Variants in ZNF862 observed in about 807,000 individuals in gnomAD.
ZNF862 encodes the protein zinc finger protein 862.
In ZNF862, 64 loss-of-function variants were observed where a neutral mutation model predicts 91.1. The ratio of observed to expected loss-of-function variants is 0.70; its 90% confidence interval spans 0.57 to 0.87. The LOEUF (loss-of-function observed/expected upper bound fraction) is 0.87. ZNF862 is among the 40% of genes least tolerant of loss of function. The probability of loss-of-function intolerance (pLI) is 0.00; values close to 1 mark genes in which losing one functional copy is unlikely to be tolerated. For synonymous variants in ZNF862, 631 were observed against 618.1 expected (o/e 1.02, Z -0.31); for missense variants, 1,459 against 1,528.0 (o/e 0.95, Z 0.75).
chr7:149,853,316 C>G (rs915879826), intron 5 of ZNF862, among the ~76,000 whole-genome samples: 1 of 152,228 alleles, frequency 6.6e-6, no homozygotes, highest in East Asian at 1.9e-4. Flanking sequence ...TAGGCCAAAC[C>G]ATTGTTATGG....
chr7:149,860,178 A>G (rs1802411946), intron 6 of ZNF862: 2 of 582,306 alleles, frequency 3.4e-6, no homozygotes, highest in Non-Finnish European at 6.0e-6. Flanking sequence ...AAGGATTAGC[A>G]ACAACTCTGG....
At chr7:149,839,535 G>A (rs963370298) in intron 1 of ZNF862, among the ~76,000 whole-genome samples, 10 of 152,196 alleles carry the variant, frequency 6.6e-5, no homozygotes, top group African/African-American at 2.2e-4. Flanking sequence ...TTCTCAAGGA[G>A]CTCTCCTGCA....
chr7:149,848,298 G>GGGGGGGAT lies in ZNF862; in HGVS notation c.808_815dup (p.Ala273GlyfsTer10). Reference sequence around the variant, plus strand: ...TTCAAGAGCTGAACTAGAGGACCCTGGGGGGGATGGAGCAATTCCTGCAAT... The same window carrying GGGGGGGAT: ...TTCAAGAGCTGAACTAGAGGACCCTGGGGGGGATGGGGGGATGGAGCAATTCCTGCAAT... On this transcript the variant is annotated frameshift_variant, in exon 4 of 8. Transcript: ENST00000223210. LOFTEE classifies it high-confidence loss of function. The GGGGGGGAT allele has an allele frequency of 6.2e-7, 1 of 1,607,672 alleles. No homozygotes were observed. Among genetic ancestry groups the GGGGGGGAT allele is most frequent in the Non-Finnish European group, 8.5e-7 (1 of 1,176,796 alleles).
At position 149,850,345 on chromosome 7, in the gene ZNF862, A is replaced by T. The variant is rs758975296; in HGVS notation, c.1117+7A>T. On this transcript the variant is annotated splice_region_variant and intron_variant, in intron 5 of 7. Coordinates refer to ENST00000223210, the MANE Select transcript of ZNF862 (RefSeq NM_001099220.3). This position sits in a 1 kb window ranked among gnomAD's most constrained non-coding sequence, Gnocchi z 4.2. Reference sequence around the variant, plus strand: ...GAGCTGTTGGCATCCTTGGGTAAAGACGCACCGAGCCTCTTATTCACCACC... The same window carrying T: ...GAGCTGTTGGCATCCTTGGGTAAAGTCGCACCGAGCCTCTTATTCACCACC... The T allele has an allele frequency of 1.6e-5, 26 of 1,605,944 alleles. No individual in the cohort carries two copies. Among genetic ancestry groups the T allele is most frequent in the Non-Finnish European group, 2.0e-5 (24 of 1,175,178 alleles).
intron 5 of ZNF862, chr7:149,858,841 C>A (rs1192896529): frequency 6.5e-6 from 1 of 153,640 alleles, no homozygotes; most frequent in Non-Finnish European, 1.5e-5. Context: ...GTCACCTTCA[C>A]AAAGGCCAGC....
chr7:149,839,939 A>ATT (rs1801640249), intron 1 of ZNF862, among the ~76,000 whole-genome samples: 1 of 152,170 alleles, frequency 6.6e-6, no homozygotes, highest in Non-Finnish European at 1.5e-5. Flanking sequence ...GGTATCAGTG[A>ATT]TTTGAAGTTG....
intron 2 of ZNF862, 113 bp from the exon 3 acceptor site, chr7:149,846,038 T>G (rs759780615): frequency 7.0e-5 from 52 of 738,862 alleles, no homozygotes; most frequent in Admixed American, 1.7e-4. Context: ...GCCCCTTATC[T>G]CACCATGCCG....
At chr7:149,841,329 T>TA (rs766344584) in intron 1 of ZNF862, 24 of 985,448 alleles carry the variant, frequency 2.4e-5, no homozygotes, top group Non-Finnish European at 2.9e-5. Context: ...ATTGGATTGA[T>TA]ATCCCACATT....
chr7:149,859,240 C>T (rs1053578304), intron 5 of ZNF862, 182 bp from the exon 6 acceptor site: 4 of 633,918 alleles, frequency 6.3e-6, no homozygotes, highest in Non-Finnish European at 1.1e-5. Flanking sequence ...GAGGGCTGCC[C>T]CTCCCCTTAC....
chr7:149,846,352 C>A, intron 3 of ZNF862, 97 bp downstream of exon 3: 2 of 899,720 alleles, frequency 2.2e-6, no homozygotes, highest in Non-Finnish European at 3.5e-6. Flanking sequence ...TTCCTGTTCT[C>A]CACCAACTGA....
chr7:149,859,405 C>A lies in ZNF862; in HGVS notation c.1118-17C>A, dbSNP rs924602690. The A allele has an allele frequency of 1.7e-5, 26 of 1,557,152 alleles. No individual in the cohort carries two copies. The African/African-American group carries it at 2.3e-4, about 14-fold the overall frequency. ...CCACAGCAGTGACATCAGCATGATTCTTCATCCTTACAACAGGACCTGCCG... is the reference window on the plus strand; with the variant it reads ...CCACAGCAGTGACATCAGCATGATTATTCATCCTTACAACAGGACCTGCCG... On this transcript the variant is annotated splice_polypyrimidine_tract_variant and intron_variant, in intron 5 of 7. Coordinates refer to ENST00000223210, the MANE Select transcript of ZNF862 (RefSeq NM_001099220.3).
chr7:149,855,352 A>G lies in ZNF862; in HGVS notation c.1118-4070A>G, dbSNP rs1802223291. Among the ~76,000 whole-genome samples, 1 of 152,186 alleles carries G rather than the reference A, an allele frequency of 6.6e-6. No individual in the cohort carries two copies. Among genetic ancestry groups the G allele is most frequent in the Admixed American group, 6.5e-5 (1 of 15,280 alleles). On this transcript the variant is annotated intron_variant, in intron 5 of 7. Transcript: ENST00000223210. This position sits in a 1 kb window ranked among gnomAD's most constrained non-coding sequence, Gnocchi z 4.1. The stretch of plus-strand genomic sequence containing the variant: ...GTAGTAGAAAATCTGGACTTCATTT[A>G]ACACTCAATTCTTGCCTTTCCCTCC...
rs779145432 is a variant in ZNF862, at chr7:149,847,943, GATC to G, written c.453_455del (p.Ile151del). On this transcript the variant is annotated inframe_deletion, in exon 4 of 8. Transcript: ENST00000223210. ...CGTGGTTTGTGCAGTTTCCGTGGCT[GATC>G]ATGAATGAGGAGCAGACGGCTCTGT... 1 of 1,607,608 alleles carries G rather than the reference GATC, an allele frequency of 6.2e-7. No homozygotes were observed. Among genetic ancestry groups the G allele is most frequent in the South Asian group, 1.1e-5 (1 of 90,132 alleles).
chr7:149,856,826 G>A (rs915863924), intron 5 of ZNF862, among the ~76,000 whole-genome samples: 4 of 152,170 alleles, frequency 2.6e-5, no homozygotes, highest in Non-Finnish European at 5.9e-5. Context: ...CCTAAGGAAG[G>A]GTGCAGGGGA....
rs747560911 is a variant in ZNF862 at position 149,862,475 on chromosome 7, G to T, written c.3315G>T (p.Val1105=). 3.8e-6 allele frequency: 6 copies of T among 1,595,348 alleles called. No individual in the cohort carries two copies. The Admixed American group carries it at 1.0e-4, about 27-fold the overall frequency. ...GCCATGTCTACACCTGTGCCCAGGT[G>T]CCAGCCCGCTCCCCTGCAAGTAAGT... ...RFSHVYTCAQ[V]PARSPASARL... is the part of the protein sequence containing the mutation. Residue 1105 remains valine, a synonymous_variant, in exon 7 of 8, where the codon GTG becomes GTT. Transcript: ENST00000223210.
chr7:149,853,952 AAG>A (rs1242941686), intron 5 of ZNF862, among the ~76,000 whole-genome samples: 2 of 151,748 alleles, frequency 1.3e-5, no homozygotes, highest in Admixed American at 6.6e-5. Flanking sequence ...AAAAAAAAAA[AAG>A]AAAAATGACA....
rs746239291 is a variant in ZNF862 at position 149,860,946 on chromosome 7, C to T, written c.1786C>T (p.Arg596Cys). ...CGTGATATTAGGCAAGTACCGCAAT[C>T]GCACGGCGTGCACTCAGTTCATCAA... ...GTVILGKYRNRTACTQFIKYI... is the reference protein window; with the variant it reads ...GTVILGKYRNCTACTQFIKYI... The change falls in exon 7 of 8, where the codon CGC (arginine) becomes TGC (cysteine). Residue 596 changes from arginine to cysteine, a missense_variant. Physicochemically the swap from Arg to Cys is radical, Grantham distance 180 (BLOSUM62 -3). Coordinates refer to ENST00000223210, the MANE Select transcript of ZNF862 (RefSeq NM_001099220.3). 3.7e-6 allele frequency: 6 copies of T among 1,613,720 alleles called. No individual in the cohort carries two copies. The highest frequency in any genetic ancestry group is 1.7e-5 in the Admixed American group (1 of 59,992).
intron 5 of ZNF862, chr7:149,858,886 G>A (rs906217536): frequency 6.9e-6 from 1 of 145,594 alleles, no homozygotes; most frequent in African/African-American, 2.6e-5. Context: ...TGGGCCAGCT[G>A]TGGGGGCAGA....
rs1421625353 is a variant in ZNF862 at position 149,861,274 on chromosome 7, G to T, written c.2114G>T (p.Arg705Ile). The change falls in exon 7 of 8, where the codon AGA becomes ATA. Residue 705 changes from arginine to isoleucine, a missense_variant. Transcript: ENST00000223210. This position sits in a 1 kb window ranked among gnomAD's most constrained non-coding sequence, Gnocchi z 6.7. ...GATGGCTCAGCCATGTTGAGCTGCA[G>T]AGGAGGCCTTGTGGAAAAGTTCCAG... is the stretch of plus-strand genomic sequence containing the variant. ...GTDGSAMLSCRGGLVEKFQEV... is the reference protein window; with the variant it reads ...GTDGSAMLSCIGGLVEKFQEV... The T allele has an allele frequency of 3.1e-6, 5 of 1,612,310 alleles. No homozygotes were observed. Among genetic ancestry groups the T allele is most frequent in the Non-Finnish European group, 4.2e-6 (5 of 1,179,670 alleles).
Sources: gnomAD v4.1 joint callset for allele counts (sites outside exome capture counted in the v4.1 genomes callset) on GRCh38, gnomAD v4.1.1 for gene constraint, Gnocchi (gnomAD v3.1) non-coding constraint, MANE v1.5 for transcripts, NCBI Gene and HGNC (gene_info 2026-07-23, HGNC 2026-07-21) for gene names.